Variants in NXN observed in about 807,000 individuals in gnomAD.
NXN encodes nucleoredoxin.
NXN carries 16 observed loss-of-function variants against 48.6 expected under a neutral mutation model. That is an observed-to-expected ratio of 0.33 (90% CI 0.22 to 0.50). The LOEUF is 0.50. Ranked by LOEUF, NXN falls within the 20% of genes least tolerant of loss-of-function variation. The pLI is 0.98. For missense variants in NXN, 492 were observed against 605.5 expected (o/e 0.81, Z 1.97); for synonymous variants, 281 against 269.6 (o/e 1.04, Z -0.41).
chr17:845,400 C>CGA (rs2067849206), intron 1 of NXN, among the ~76,000 whole-genome samples: 1 of 151,524 alleles, frequency 6.6e-6, no homozygotes, highest in Non-Finnish European at 1.5e-5. Flanking sequence ...ACTCAACATC[C>CGA]GAGAGAGAAT....
At chr17:926,079 G>A (rs934756290) in intron 1 of NXN, among the ~76,000 whole-genome samples, 2 of 152,232 alleles carry the variant, frequency 1.3e-5, no homozygotes, top group African/African-American at 4.8e-5. Context: ...TGTCTTAGCA[G>A]AATTATGACC....
chr17:925,971 C>G (rs1447294212), intron 1 of NXN, among the ~76,000 whole-genome samples: 1 of 152,146 alleles, frequency 6.6e-6, no homozygotes, highest in Admixed American at 6.5e-5. Flanking sequence ...CCTGATATCA[C>G]CAATAGTAGC....
At chr17:822,248 C>T (rs143374112) in intron 4 of NXN, 109 bp downstream of exon 4, 15 of 752,618 alleles carry the variant, frequency 2.0e-5, no homozygotes, top group African/African-American at 1.9e-4. Flanking sequence ...CACTGCACTC[C>T]AGCCTGGGAG....
At chr17:834,449 C>G (rs1913672024) in intron 1 of NXN, among the ~76,000 whole-genome samples, 1 of 152,146 alleles carries the variant, frequency 6.6e-6, no homozygotes, top group Non-Finnish European at 1.5e-5. Context: ...TAGTCTTGCT[C>G]TGTTGCCCAG....
rs1363763217 is a variant in NXN, at chr17:825,287, C to T, written c.478+674G>A. ...ACCATGCCGTGGTTTTTACTGAGGA[C>T]AATTCTTTGAAGTAGGTGGCATTTT... On this transcript the variant is annotated intron_variant, in intron 2 of 7. Coordinates refer to ENST00000336868, the MANE Select transcript of NXN (RefSeq NM_022463.5). This position sits in a 1 kb window ranked among gnomAD's most constrained non-coding sequence, Gnocchi z 4.1. Among the ~76,000 whole-genome samples the T allele has an allele frequency of 2.0e-5, 3 of 151,112 alleles. No individual in the cohort carries two copies. Among genetic ancestry groups the T allele is most frequent in the African/African-American group, 4.9e-5 (2 of 41,070 alleles).
At chr17:879,990 G>A (rs1235818523) in intron 1 of NXN, 1 of 152,154 alleles carries the variant, frequency 6.6e-6, no homozygotes, top group African/African-American at 2.4e-5. Context: ...GCAGAACCTC[G>A]GAGCCATGTG....
intron 1 of NXN, among the ~76,000 whole-genome samples, chr17:885,937 C>T (rs2068342409): frequency 1.3e-5 from 2 of 151,984 alleles, no homozygotes; most frequent in African/African-American, 4.8e-5. Flanking sequence ...ATCCGCCCGC[C>T]TCGGCCTCCC....
Position 917,161 on chromosome 17 carries a change from C to CTT in NXN, c.360+62156_360+62157dup, listed in dbSNP as rs397961779. 1.0e-4 allele frequency among the ~76,000 whole-genome samples: 15 copies of CTT among 145,230 alleles called. No individual in the cohort carries two copies. Among genetic ancestry groups the CTT allele is most frequent in the African/African-American group, 1.2e-4 (5 of 40,012 alleles). On this transcript the variant is annotated intron_variant, in intron 1 of 7. Coordinates refer to ENST00000336868, the MANE Select transcript of NXN (RefSeq NM_022463.5). The surrounding 1 kb of genome is among the most constrained non-coding windows in gnomAD (Gnocchi z 4.5). ...AGGTGTTCCACGCCTGAGCTCACAT[C>CTT]TTTTTTTTTTTTTTCTGTAGCCCAG...
intron 1 of NXN, among the ~76,000 whole-genome samples, chr17:979,112 G>T (rs1275420247): frequency 8.7e-6 from 1 of 114,544 alleles, no homozygotes; most frequent in Non-Finnish European, 1.8e-5. Flanking sequence ...CGCGGAAGGG[G>T]GGGGGGCAGA....
intron 1 of NXN, among the ~76,000 whole-genome samples, chr17:967,816 C>CA (rs898272337): frequency 1.1e-4 from 16 of 151,704 alleles, no homozygotes; most frequent in Admixed American, 9.9e-4. Flanking sequence ...CTAAAAATAC[C>CA]AAAAAATTAG....
At position 810,821 on chromosome 17, in the gene NXN, A is replaced by G. The variant is rs542592098; in HGVS notation, c.821-5574T>C. Among the ~76,000 whole-genome samples the G allele has an allele frequency of 3.4e-4, 52 of 152,276 alleles. No individual in the cohort carries two copies. In the South Asian group the frequency reaches 4.8e-3, roughly 14 times the overall value. The stretch of plus-strand genomic sequence containing the variant: ...GGAGAATCGCTTGAACGCGGGAGGC[A>G]GAGCTTGCAGTGAGCGGAGATCTTG... On this transcript the variant is annotated intron_variant, in intron 5 of 7. Transcript: ENST00000336868.
chr17:939,666 A>G (rs1193065893), intron 1 of NXN, among the ~76,000 whole-genome samples: 1 of 151,978 alleles, frequency 6.6e-6, no homozygotes. Flanking sequence ...TTTTTAAAGA[A>G]TACGTTCTTA....
chr17:878,877 T>G (rs1474823484), intron 1 of NXN, among the ~76,000 whole-genome samples: 8 of 151,932 alleles, frequency 5.3e-5, no homozygotes, highest in Admixed American at 4.6e-4. Context: ...AAAGAATGCG[T>G]AGACAGGCCA....
At chr17:856,787 T>C (rs2067991021) in intron 1 of NXN, among the ~76,000 whole-genome samples, 1 of 152,144 alleles carries the variant, frequency 6.6e-6, no homozygotes, top group South Asian at 2.1e-4. Flanking sequence ...CCCAGCCTAC[T>C]GTTCACATTT....
At chr17:974,506 C>T (rs554044852) in intron 1 of NXN, among the ~76,000 whole-genome samples, 19 of 152,024 alleles carry the variant, frequency 1.2e-4, no homozygotes, top group Middle Eastern at 3.4e-3. Context: ...ATTTATTGAG[C>T]ACTCACCACA....
chr17:870,830 C>T (rs564344739), intron 1 of NXN, among the ~76,000 whole-genome samples: 2 of 151,602 alleles, frequency 1.3e-5, no homozygotes, highest in Non-Finnish European at 1.5e-5. Context: ...ATCTCTCACA[C>T]TTCTGGTGCT....
intron 1 of NXN, among the ~76,000 whole-genome samples, chr17:947,898 A>T (rs2069063836): frequency 6.6e-6 from 1 of 150,402 alleles, no homozygotes; most frequent in African/African-American, 2.4e-5. Context: ...AAAAAAAAAA[A>T]AAATTAGCTG....
chr17:886,722 G>T (rs2144853337), intron 1 of NXN, among the ~76,000 whole-genome samples: 1 of 151,378 alleles, frequency 6.6e-6, no homozygotes, highest in East Asian at 1.9e-4. Flanking sequence ...AGCTTGCAGT[G>T]AGCTGAGATC....
At chr17:806,902 G>A (rs910921) in intron 5 of NXN, among the ~76,000 whole-genome samples, 26,476 of 151,076 alleles carry the variant, frequency 0.18, 2,705 homozygotes, top group East Asian at 0.41. Context: ...CAGCCACTCC[G>A]ACATCACACA....
Sources: allele counts gnomAD v4.1 joint callset (sites outside exome capture counted in the v4.1 genomes callset), GRCh38; gene constraint gnomAD v4.1.1; non-coding constraint Gnocchi (gnomAD v3.1); transcripts MANE v1.5; gene names NCBI Gene and HGNC (gene_info 2026-07-23, HGNC 2026-07-21).